The following MAGI2 variants were observed in gnomAD, a reference collection of about 807,000 sequenced individuals.
MAGI2 encodes membrane associated guanylate kinase, WW and PDZ domain containing 2, also known as membrane-associated guanylate kinase, WW and PDZ domain-containing protein 2.
In MAGI2, 35 loss-of-function variants were observed where a neutral mutation model predicts 133.3. That is an observed-to-expected ratio of 0.26 (90% CI 0.20 to 0.35). MAGI2 has a LOEUF of 0.35. MAGI2 is among the 10% of genes least tolerant of loss of function. MAGI2 has a pLI of 1.00. For missense variants in MAGI2, 1,636 were observed against 1,863.4 expected (o/e 0.88, Z 2.25); for synonymous variants, 729 against 710.6 (o/e 1.03, Z -0.41).
At chr7:78,083,415 AG>A (rs1816256527) in intron 20 of MAGI2, among the ~76,000 whole-genome samples, 1 of 148,156 alleles carries the variant, frequency 6.7e-6, no homozygotes, top group Non-Finnish European at 1.5e-5. Flanking sequence ...AGAGAGAGAG[AG>A]AGAGAGAGAG....
At position 79,159,846 on chromosome 7, in the gene MAGI2, G is replaced by T. The variant is rs1311183155; in HGVS notation, c.302-152640C>A. Reference sequence around the variant, plus strand: ...TAACAGAATTTTCTTTCAAAAACAGGCAAATAAAGTATCTTTTGGACATGT... The same window carrying T: ...TAACAGAATTTTCTTTCAAAAACAGTCAAATAAAGTATCTTTTGGACATGT... On this transcript the variant is annotated intron_variant, in intron 1 of 21. Transcript: ENST00000354212. 3.3e-5 allele frequency among the ~76,000 whole-genome samples: 5 copies of T among 152,022 alleles called. No homozygotes were observed. The East Asian group carries it at 9.7e-4, about 30-fold the overall frequency.
At chr7:78,517,294 A>G (rs906647573) in intron 4 of MAGI2, among the ~76,000 whole-genome samples, 4 of 152,132 alleles carry the variant, frequency 2.6e-5, no homozygotes, top group Admixed American at 6.6e-5. Context: ...GAGCCTAGTA[A>G]AAGACAAATA....
intron 2 of MAGI2, among the ~76,000 whole-genome samples, chr7:78,990,506 T>G (rs1157722687): frequency 6.6e-6 from 1 of 152,026 alleles, no homozygotes; most frequent in Non-Finnish European, 1.5e-5. Flanking sequence ...AATCGGAATG[T>G]CCTTCTAGCT....
chr7:79,394,130 G>A (rs1055902662), intron 1 of MAGI2, among the ~76,000 whole-genome samples: 15 of 152,170 alleles, frequency 9.9e-5, no homozygotes, highest in Middle Eastern at 3.4e-3. Context: ...AAGTAGCCCG[G>A]CACCTCACCT....
chr7:79,391,516 T>TATATATATATATATAGAC lies in MAGI2; in HGVS notation c.301+61503_301+61504insGTCTATATATATATATAT, dbSNP rs1844625606. Among the ~76,000 whole-genome samples, 3 of 52,126 alleles carry TATATATATATATATAGAC rather than the reference T, an allele frequency of 5.8e-5. No homozygotes were observed. In the African/African-American group the frequency reaches 7.2e-4, roughly 12 times the overall value. The allele number at this position is 52,126 out of a possible 152,430, so 34.2% of individuals were successfully genotyped here. ...ATATATATATATATAGACATATATATATATATATATATATATATATAGACA... is the reference window on the plus strand; with the variant it reads ...ATATATATATATATAGACATATATATATATATATATATATAGACATATATATATATATATATATAGACA... On this transcript the variant is annotated intron_variant, in intron 1 of 21. Coordinates refer to ENST00000354212, the MANE Select transcript of MAGI2 (RefSeq NM_012301.4).
At chr7:78,847,116 T>C (rs965110387) in intron 2 of MAGI2, among the ~76,000 whole-genome samples, 2 of 152,004 alleles carry the variant, frequency 1.3e-5, no homozygotes, top group African/African-American at 4.8e-5. Flanking sequence ...ATGGTAACTC[T>C]CCTTATAATT....
At chr7:79,045,386 T>C (rs1344021661) in intron 1 of MAGI2, among the ~76,000 whole-genome samples, 3 of 152,240 alleles carry the variant, frequency 2.0e-5, no homozygotes, top group Non-Finnish European at 4.4e-5. Flanking sequence ...TCAATATAGT[T>C]AATTTTAAAC....
intron 2 of MAGI2, among the ~76,000 whole-genome samples, chr7:78,905,218 T>C (rs148316558): frequency 2.0e-5 from 3 of 152,306 alleles, no homozygotes; most frequent in Admixed American, 6.5e-5. Flanking sequence ...GCATGTATAC[T>C]CTCTCCAAAC....
At position 78,135,190 on chromosome 7, in the gene MAGI2, G is replaced by A. The variant is rs536195892; in HGVS notation, c.2862C>T (p.Ile954=). The change falls in exon 17 of 22, where the codon ATC becomes ATT. Residue 954 remains isoleucine, a synonymous_variant. Coordinates refer to ENST00000354212, the MANE Select transcript of MAGI2 (RefSeq NM_012301.4). ...CAGGACTCCCATCAATGATGCGTCC[G>A]ATTTTATGGGGCACAGCTAAAAAAA... ...SGSTITVPHK[I]GRIIDGSPAD... is the part of the protein sequence containing the mutation. The A allele has an allele frequency of 9.3e-6, 15 of 1,614,032 alleles. No homozygotes were observed. Among genetic ancestry groups the A allele is most frequent in the African/African-American group, 8.0e-5 (6 of 75,024 alleles).
chr7:78,340,500 C>T (rs565957576), intron 9 of MAGI2, among the ~76,000 whole-genome samples: 40 of 152,056 alleles, frequency 2.6e-4, no homozygotes, highest in Non-Finnish European at 4.3e-4. Flanking sequence ...AGAGATACAA[C>T]AAAAAAAGAA....
intron 2 of MAGI2, among the ~76,000 whole-genome samples, chr7:78,900,239 T>C (rs577089230): frequency 6.6e-6 from 1 of 152,320 alleles, no homozygotes; most frequent in African/African-American, 2.4e-5. Context: ...CTCATATATC[T>C]GACCTTCAGT....
intron 1 of MAGI2, among the ~76,000 whole-genome samples, chr7:79,421,616 T>C (rs973233422): frequency 2.6e-5 from 4 of 151,966 alleles, no homozygotes; most frequent in Non-Finnish European, 4.4e-5. Flanking sequence ...TCACATTGTC[T>C]ACTTTTATAA....
At chr7:78,810,186 A>G (rs557111205) in intron 2 of MAGI2, among the ~76,000 whole-genome samples, 1 of 151,954 alleles carries the variant, frequency 6.6e-6, no homozygotes, top group East Asian at 1.9e-4. Context: ...TTTTTTTTAT[A>G]TAACTATTCC....
At chr7:78,802,925 TA>T (rs1327117806) in intron 2 of MAGI2, among the ~76,000 whole-genome samples, 1 of 126,654 alleles carries the variant, frequency 7.9e-6, no homozygotes, top group African/African-American at 3.0e-5. Context: ...CAATAAAATC[TA>T]TTAAAAAAAA....
At chr7:78,500,082 T>A (rs1794484058) in intron 5 of MAGI2, among the ~76,000 whole-genome samples, 1 of 152,242 alleles carries the variant, frequency 6.6e-6, no homozygotes, top group Non-Finnish European at 1.5e-5. Context: ...TATTGATTCA[T>A]TTTCTGCAAA....
chr7:78,913,692 T>A (rs1798583513), intron 2 of MAGI2, among the ~76,000 whole-genome samples: 1 of 152,224 alleles, frequency 6.6e-6, no homozygotes, highest in South Asian at 2.1e-4. Flanking sequence ...TAATTTGACT[T>A]GCTGTTATGT....
intron 10 of MAGI2, among the ~76,000 whole-genome samples, chr7:78,202,868 A>G (rs1829391157): frequency 6.6e-6 from 1 of 152,134 alleles, no homozygotes; most frequent in East Asian, 1.9e-4. Context: ...TAATAAAAAA[A>G]TTCTGTTCAA....
chr7:78,041,511 A>G (rs1432880631), intron 21 of MAGI2, among the ~76,000 whole-genome samples: 1 of 152,072 alleles, frequency 6.6e-6, no homozygotes, highest in African/African-American at 2.4e-5. Context: ...TTCTGACTCT[A>G]CAAAAGTACA....
intron 1 of MAGI2, among the ~76,000 whole-genome samples, chr7:79,017,540 C>T (rs967216504): frequency 6.6e-5 from 10 of 152,198 alleles, no homozygotes; most frequent in African/African-American, 2.4e-4. Flanking sequence ...CTTCTTACCT[C>T]CAAATGACCA....
Sources: allele counts gnomAD v4.1 joint callset (sites outside exome capture counted in the v4.1 genomes callset), GRCh38; gene constraint gnomAD v4.1.1; transcripts MANE v1.5; gene names NCBI Gene and HGNC (gene_info 2026-07-23, HGNC 2026-07-21).